The following CTNNBIP1 variants were observed in gnomAD, a reference collection of about 807,000 sequenced individuals.
The protein encoded by CTNNBIP1 is beta-catenin-interacting protein 1.
A neutral mutation model predicts 11.8 loss-of-function variants in CTNNBIP1; 7 were observed. The observed-to-expected ratio is 0.60, with a 90% CI of 0.34 to 1.12. The LOEUF is 1.12. Ranked by LOEUF, CTNNBIP1 falls within the 50% of genes most tolerant of loss-of-function variation. The probability of loss-of-function intolerance (pLI) is 0.03; values close to 1 mark genes in which losing one functional copy is unlikely to be tolerated. For missense variants in CTNNBIP1, 101 were observed against 113.4 expected (o/e 0.89, Z 0.50); for synonymous variants, 58 against 43.9 (o/e 1.32, Z -1.26).
chr1:9,872,039 T>C lies in CTNNBIP1; in HGVS notation c.26A>G (p.Lys9Arg). 1 of 1,614,140 alleles carries C rather than the reference T, an allele frequency of 6.2e-7. No homozygotes were observed. Among genetic ancestry groups the C allele is most frequent in the Non-Finnish European group, 8.5e-7 (1 of 1,179,976 alleles). The change falls in exon 4 of 6, where the codon AAG (lysine) becomes AGG (arginine). Residue 9 changes from lysine to arginine, a missense_variant. By Grantham distance (26) the Lys-to-Arg change is conservative. Coordinates refer to ENST00000377263, the MANE Select transcript of CTNNBIP1 (RefSeq NM_020248.3). This position sits in a 1 kb window ranked among gnomAD's most constrained non-coding sequence, Gnocchi z 4.0. MNREGAPGKSPEEMYIQQK... is the reference protein window; with the variant it reads MNREGAPGRSPEEMYIQQK... ...CTGAATGTACATCTCCTCCGGACTC[T>C]TCCCGGGAGCTCCCTCGCGGTTCAT... is the stretch of plus-strand genomic sequence containing the variant.
chr1:9,892,715 C>T (rs1639333176), intron 1 of CTNNBIP1, among the ~76,000 whole-genome samples: 1 of 152,168 alleles, frequency 6.6e-6, no homozygotes, highest in Admixed American at 6.5e-5. Context: ...ATACACCCAT[C>T]TGTGCTACAG....
intron 1 of CTNNBIP1, among the ~76,000 whole-genome samples, chr1:9,884,162 G>A (rs1182039777): frequency 6.6e-6 from 1 of 152,114 alleles, no homozygotes; most frequent in Non-Finnish European, 1.5e-5. Flanking sequence ...GGCAGTGAGT[G>A]GGGGCGACGG....
At chr1:9,904,582 G>C (rs558251872) in intron 1 of CTNNBIP1, among the ~76,000 whole-genome samples, 1 of 152,234 alleles carries the variant, frequency 6.6e-6, no homozygotes, top group East Asian at 1.9e-4. Context: ...CTCTATAGAG[G>C]GGCCTGGTGA....
intron 5 of CTNNBIP1, among the ~76,000 whole-genome samples, chr1:9,865,282 T>C (rs1316664630): frequency 6.7e-6 from 1 of 149,664 alleles, no homozygotes; most frequent in Non-Finnish European, 1.5e-5. Context: ...AGTGAAATTA[T>C]CATGCGTAAA....
chr1:9,897,521 G>A (rs780518987), intron 1 of CTNNBIP1, among the ~76,000 whole-genome samples: 6 of 151,878 alleles, frequency 4.0e-5, no homozygotes, highest in South Asian at 2.1e-4. Flanking sequence ...GCATGGTGGC[G>A]CGTGCCTGTA....
At chr1:9,881,329 A>ATT (rs60318288) in intron 2 of CTNNBIP1, among the ~76,000 whole-genome samples, 25 of 49,510 alleles carry the variant, frequency 5.0e-4, no homozygotes, top group African/African-American at 1.5e-3. Flanking sequence ...CAGCCTTGAA[A>ATT]TTTTTTTTTT....
Position 9,870,216 on chromosome 1 carries a change from G to A in CTNNBIP1, c.187+971C>T, listed in dbSNP as rs138853868. 1.9e-3 allele frequency among the ~76,000 whole-genome samples: 295 copies of A among 152,344 alleles called. 1 individual carries two copies. Among genetic ancestry groups the A allele is most frequent in the Middle Eastern group, 3.4e-3 (1 of 294 alleles). Reference sequence around the variant, plus strand: ...ACGCAGCCGTCAGCACTCTGCTTTCGGGGGCCCGCTCGCGTCTGGACATGC... The same window carrying A: ...ACGCAGCCGTCAGCACTCTGCTTTCAGGGGCCCGCTCGCGTCTGGACATGC... On this transcript the variant is annotated intron_variant, in intron 5 of 5. Transcript: ENST00000377263.
chr1:9,904,186 C>G (rs2101548211), intron 1 of CTNNBIP1, among the ~76,000 whole-genome samples: 1 of 152,300 alleles, frequency 6.6e-6, no homozygotes, highest in East Asian at 1.9e-4. Flanking sequence ...CTACAGATGA[C>G]ATATGACTAG....
chr1:9,880,153 G>A (rs1269616303), intron 2 of CTNNBIP1, among the ~76,000 whole-genome samples: 2 of 122,710 alleles, frequency 1.6e-5, no homozygotes, highest in African/African-American at 6.1e-5. Flanking sequence ...AACAGGCCCC[G>A]GTGTGTGTTG....
Position 9,860,453 on chromosome 1 carries a change from AAC to A in CTNNBIP1, c.188-9679_188-9678del, listed in dbSNP as rs1405983550. On this transcript the variant is annotated intron_variant, in intron 5 of 5. Transcript: ENST00000377263. ...TAAAAAAAAAAAAAAAAAAAAAAAA[AAC>A]AAAACTTAGCTGGGCGTAGTGGCAT... Among the ~76,000 whole-genome samples the A allele has an allele frequency of 4.0e-3, 565 of 142,384 alleles. 3 individuals are homozygous for A. Among genetic ancestry groups the A allele is most frequent in the African/African-American group, 0.015 (528 of 34,422 alleles). 93.4% of individuals were successfully genotyped at this position (142,384 alleles called of 152,430 possible). A position where few individuals can be genotyped will look rare whatever the true frequency, so the allele number is the denominator to read the frequency against.
At chr1:9,882,821 G>A (rs1181981852) in intron 2 of CTNNBIP1, among the ~76,000 whole-genome samples, 1 of 152,244 alleles carries the variant, frequency 6.6e-6, no homozygotes, top group African/African-American at 2.4e-5. Flanking sequence ...AGAAGCCCAT[G>A]GAGGCGCAAA....
At position 9,880,539 on chromosome 1, in the gene CTNNBIP1, T is replaced by A. The variant is rs7411191; in HGVS notation, c.-109-2550A>T. 9.7e-3 allele frequency among the ~76,000 whole-genome samples: 1,475 copies of A among 152,310 alleles called. 27 individuals carry two copies. Among genetic ancestry groups the A allele is most frequent in the African/African-American group, 0.033 (1,357 of 41,554 alleles). On this transcript the variant is annotated intron_variant, in intron 2 of 5. Transcript: ENST00000377263. Reference sequence around the variant, plus strand: ...AAGTGGTATTTCTGGTTCTAGATCCTTGAGGAATTGCCACACTGTCTTCCA... The same window carrying A: ...AAGTGGTATTTCTGGTTCTAGATCCATGAGGAATTGCCACACTGTCTTCCA...
At chr1:9,879,053 T>A (rs1292297593) in intron 2 of CTNNBIP1, among the ~76,000 whole-genome samples, 1 of 151,984 alleles carries the variant, frequency 6.6e-6, no homozygotes, top group Non-Finnish European at 1.5e-5. Context: ...AAAAATTAGC[T>A]GGACGTGGTG....
rs1309318929 is a variant in CTNNBIP1, at chr1:9,848,428, A to G, written c.*2290T>C. 6.6e-6 allele frequency: 1 copy of G among 152,246 alleles called. No individual in the cohort carries two copies. Among genetic ancestry groups the G allele is most frequent in the Non-Finnish European group, 1.5e-5 (1 of 68,044 alleles). 9.4% of individuals were successfully genotyped at this position (152,246 alleles called of 1,614,324 possible). A position where few individuals can be genotyped will look rare whatever the true frequency, so the allele number is the denominator to read the frequency against. On this transcript the variant is annotated 3_prime_UTR_variant, in exon 6 of 6. Transcript: ENST00000377263. This position sits in a 1 kb window ranked among gnomAD's most constrained non-coding sequence, Gnocchi z 4.3. ...TACAAAAGCAAGGCCTGTGATCGTG[A>G]CAAGGACAGGCTGGGGCAGAGACCA... is the stretch of plus-strand genomic sequence containing the variant.
intron 5 of CTNNBIP1, among the ~76,000 whole-genome samples, chr1:9,865,552 C>T (rs1014503434): frequency 6.6e-6 from 1 of 151,422 alleles, no homozygotes; most frequent in Non-Finnish European, 1.5e-5. Flanking sequence ...TGCAGTGAGC[C>T]GAGACCGCAC....
Position 9,883,697 on chromosome 1 carries a change from G to C in CTNNBIP1, c.-110+8C>G, listed in dbSNP as rs1218180484. The C allele has an allele frequency of 6.5e-6, 1 of 153,502 alleles. No homozygotes were observed. Among genetic ancestry groups the C allele is most frequent in the African/African-American group, 2.4e-5 (1 of 41,456 alleles). The allele number at this position is 153,502 out of a possible 1,614,324, so 9.5% of individuals were successfully genotyped here. A position where few individuals can be genotyped will look rare whatever the true frequency, so the allele number is the denominator to read the frequency against. On this transcript the variant is annotated splice_region_variant and intron_variant, in intron 2 of 5. Transcript: ENST00000377263. This position sits in a 1 kb window ranked among gnomAD's most constrained non-coding sequence, Gnocchi z 5.6. ...CTCCTCATGGTCCTCCTGGAACTCA[G>C]TACTCACCCAGTGCTGTCACCGTTG... is the stretch of plus-strand genomic sequence containing the variant.
chr1:9,865,005 G>C (rs1638713578), intron 5 of CTNNBIP1, among the ~76,000 whole-genome samples: 1 of 152,178 alleles, frequency 6.6e-6, no homozygotes, highest in South Asian at 2.1e-4. Flanking sequence ...AAGGTGGGCA[G>C]ATCACGTGAG....
chr1:9,856,590 C>T (rs1391929012), intron 5 of CTNNBIP1, among the ~76,000 whole-genome samples: 1 of 150,972 alleles, frequency 6.6e-6, no homozygotes, highest in Non-Finnish European at 1.5e-5. Context: ...TCAATCTCAC[C>T]ACAATCTCCG....
intron 3 of CTNNBIP1, among the ~76,000 whole-genome samples, chr1:9,875,196 C>T (rs375140649): frequency 3.9e-5 from 6 of 152,168 alleles, no homozygotes; most frequent in East Asian, 3.9e-4. Context: ...CTATTCCAAT[C>T]GTACTATCAC....
Sources: gnomAD v4.1 joint callset for allele counts (sites outside exome capture counted in the v4.1 genomes callset) on GRCh38, gnomAD v4.1.1 for gene constraint, Gnocchi (gnomAD v3.1) non-coding constraint, MANE v1.5 for transcripts, NCBI Gene and HGNC (gene_info 2026-07-23, HGNC 2026-07-21) for gene names.